The following CFDP1 variants were observed in gnomAD, a reference collection of about 807,000 sequenced individuals.
CFDP1 encodes chromatin remodeling protein CFDP1.
A neutral mutation model predicts 40.1 loss-of-function variants in CFDP1; 31 were observed. The ratio of observed to expected loss-of-function variants is 0.77; its 90% CI spans 0.58 to 1.04. The LOEUF (loss-of-function observed/expected upper bound fraction) is 1.04, where lower values mean the gene tolerates loss of function less well. Among genes scored for constraint, CFDP1 ranks in the 50% least tolerant of loss-of-function variants. The probability of loss-of-function intolerance (pLI) is 0.00; values close to 1 mark genes in which losing one functional copy is unlikely to be tolerated. For synonymous variants in CFDP1, 167 were observed against 120.0 expected (o/e 1.39, Z -2.56); for missense variants, 423 against 343.4 (o/e 1.23, Z -1.83).
At chr16:75,348,335 T>C (rs997193133) in intron 5 of CFDP1, among the ~76,000 whole-genome samples, 1 of 152,246 alleles carries the variant, frequency 6.6e-6, no homozygotes, top group Non-Finnish European at 1.5e-5. Flanking sequence ...ACTAAGATTA[T>C]ATAAGATGTC....
chr16:75,343,867 A>C (rs1047143804), intron 5 of CFDP1, among the ~76,000 whole-genome samples: 2 of 152,232 alleles, frequency 1.3e-5, no homozygotes, highest in Non-Finnish European at 2.9e-5. Flanking sequence ...AGTTGAGTAG[A>C]CGGGGCAATA....
In CFDP1 at chr16:75,293,911, T is replaced by A. The variant is rs539480885; in HGVS notation, c.*41A>T. On this transcript the variant is annotated 3_prime_UTR_variant, in exon 7 of 7. Transcript: ENST00000283882. The stretch of plus-strand genomic sequence containing the variant: ...TTCACAGACGCACAAAAAGCTCACA[T>A]TGTAAACAGGATTAAGCTGCTCTTG... 6.6e-7 allele frequency: 1 copy of A among 1,517,216 alleles called. No homozygotes were observed. Among genetic ancestry groups the A allele is most frequent in the South Asian group, 1.1e-5 (1 of 88,974 alleles). 94.0% of individuals were successfully genotyped at this position (1,517,216 alleles called of 1,614,324 possible). A position where few individuals can be genotyped will look rare whatever the true frequency, so the allele number is the denominator to read the frequency against.
At chr16:75,375,482 C>T (rs2078784932) in intron 5 of CFDP1, among the ~76,000 whole-genome samples, 1 of 152,112 alleles carries the variant, frequency 6.6e-6, no homozygotes, top group South Asian at 2.1e-4. Context: ...TACCATTTCA[C>T]ACTTACCCAA....
intron 6 of CFDP1, among the ~76,000 whole-genome samples, chr16:75,299,452 G>A (rs1018602331): frequency 2.6e-4 from 40 of 151,168 alleles, no homozygotes; most frequent in Non-Finnish European, 4.7e-4. Flanking sequence ...AAAATTAGCC[G>A]GGTGTGGTGG....
rs4888402 is a variant in CFDP1, at chr16:75,393,736, G to A, written c.650+1354C>T. On this transcript the variant is annotated intron_variant, in intron 5 of 6. Coordinates refer to ENST00000283882, the MANE Select transcript of CFDP1 (RefSeq NM_006324.3). ...CTGGGCGACAGAGCGAGACTCCGTC[G>A]CAAAAAAAAAAAAAAAAAAAAAAAA... Among the ~76,000 whole-genome samples the A allele has an allele frequency of 2.9e-3, 223 of 77,936 alleles. 4 individuals are homozygous for A. The highest frequency in any genetic ancestry group is 0.015 in the African/African-American group (218 of 14,186). The allele number at this position is 77,936 out of a possible 152,430, so 51.1% of individuals were successfully genotyped here.
intron 4 of CFDP1, among the ~76,000 whole-genome samples, chr16:75,402,815 A>T (rs7206541): frequency 0.52 from 78,809 of 151,972 alleles, 21,496 homozygotes; most frequent in Admixed American, 0.64. Context: ...GTATAAATAA[A>T]TTAAGTTTAA....
At chr16:75,373,813 T>C (rs2078771539) in intron 5 of CFDP1, among the ~76,000 whole-genome samples, 2 of 152,172 alleles carry the variant, frequency 1.3e-5, no homozygotes, top group African/African-American at 2.4e-5. Flanking sequence ...CTAATCCTAA[T>C]TGTAATAAGC....
intron 5 of CFDP1, among the ~76,000 whole-genome samples, chr16:75,337,669 C>T (rs2078498891): frequency 6.6e-6 from 1 of 152,090 alleles, no homozygotes; most frequent in African/African-American, 2.4e-5. Context: ...ATGGGTGGCG[C>T]AGGAGGAAGA....
At chr16:75,303,400 A>AATGTATGT (rs71380717) in intron 6 of CFDP1, among the ~76,000 whole-genome samples, 4 of 146,246 alleles carry the variant, frequency 2.7e-5, no homozygotes, top group Admixed American at 6.8e-5. Flanking sequence ...TAAATAAATA[A>AATGTATGT]ATGTATGTAT....
chr16:75,398,674 G>T (rs980483652), intron 4 of CFDP1, among the ~76,000 whole-genome samples: 2 of 152,272 alleles, frequency 1.3e-5, no homozygotes, highest in Non-Finnish European at 2.9e-5. Context: ...CATATGGGAA[G>T]ATCACACAGA....
At chr16:75,433,029 G>A (rs1331226941) in intron 1 of CFDP1, among the ~76,000 whole-genome samples, 2 of 152,210 alleles carry the variant, frequency 1.3e-5, no homozygotes, top group Non-Finnish European at 2.9e-5. Flanking sequence ...ACAAGGGGCC[G>A]TGTCCATGTG....
At chr16:75,376,787 G>A (rs1294725296) in intron 5 of CFDP1, among the ~76,000 whole-genome samples, 1 of 152,188 alleles carries the variant, frequency 6.6e-6, no homozygotes, top group Non-Finnish European at 1.5e-5. Flanking sequence ...CCACCAGTGT[G>A]CTATGTCAGT....
At chr16:75,433,184 CT>C (rs1486967793) in intron 1 of CFDP1, 104 bp downstream of exon 1, 1 of 1,140,608 alleles carries the variant, frequency 8.8e-7, no homozygotes, top group East Asian at 2.6e-5. Flanking sequence ...AGGAGCCCCC[CT>C]GGACCACCTG....
chr16:75,314,931 TA>T, intron 5 of CFDP1, among the ~76,000 whole-genome samples: 1 of 152,220 alleles, frequency 6.6e-6, no homozygotes, highest in East Asian at 1.9e-4. Flanking sequence ...TTTGTATTTT[TA>T]GTAGAGATGG....
At chr16:75,309,838 A>AC (rs2078284651) in intron 5 of CFDP1, among the ~76,000 whole-genome samples, 2 of 150,738 alleles carry the variant, frequency 1.3e-5, no homozygotes, top group South Asian at 2.1e-4. Context: ...AAAAAAAAAA[A>AC]AAAAAAACCA....
chr16:75,391,482 G>A (rs1017953358), intron 5 of CFDP1: 2 of 152,156 alleles, frequency 1.3e-5, no homozygotes, highest in Non-Finnish European at 2.9e-5. Context: ...AATTCAGCAG[G>A]TCATAACAGT....
At chr16:75,314,120 G>GGTGATCC (rs536003000) in intron 5 of CFDP1, among the ~76,000 whole-genome samples, 312 of 152,222 alleles carry the variant, frequency 2.0e-3, no homozygotes, top group African/African-American at 7.2e-3. Context: ...CCCGACCTCA[G>GGTGATCC]GTGATCCTCC....
intron 5 of CFDP1, among the ~76,000 whole-genome samples, chr16:75,329,908 A>G (rs1292403082): frequency 6.6e-6 from 1 of 152,232 alleles, no homozygotes; most frequent in African/African-American, 2.4e-5. Flanking sequence ...ATGGCCCCTG[A>G]CAGTGCCTGA....
chr16:75,335,174 T>C (rs532086872), intron 5 of CFDP1, among the ~76,000 whole-genome samples: 3 of 152,286 alleles, frequency 2.0e-5, no homozygotes, highest in South Asian at 2.1e-4. Context: ...ATGTGGTAAG[T>C]TCCCCCCTGG....
Sources: allele counts gnomAD v4.1 joint callset (sites outside exome capture counted in the v4.1 genomes callset), GRCh38; gene constraint gnomAD v4.1.1; transcripts MANE v1.5; gene names NCBI Gene and HGNC (gene_info 2026-07-23, HGNC 2026-07-21).